Variants in SLC26A2 observed in about 807,000 individuals in gnomAD.
SLC26A2 encodes solute carrier family 26 member 2, also known as sulfate transporter.
Under a neutral mutation model 41.1 loss-of-function variants are expected in SLC26A2, and 36 were observed. The observed-to-expected ratio is 0.88, with a 90% CI of 0.67 to 1.16. The LOEUF (loss-of-function observed/expected upper bound fraction) is 1.16, where lower values mean the gene tolerates loss of function less well. Among genes scored for constraint, SLC26A2 ranks in the 50% most tolerant of loss-of-function variants. SLC26A2 has a pLI of 0.00. For missense variants in SLC26A2, 796 were observed against 869.6 expected (o/e 0.92, Z 1.07); for synonymous variants, 291 against 311.6 (o/e 0.93, Z 0.70).
rs1554095431 is a variant in SLC26A2, at chr5:149,981,711, CCTT to C, written c.2121_2123del (p.Leu708del). On this transcript the variant is annotated inframe_deletion, in exon 3 of 3. Transcript: ENST00000286298. ...AATATTGCAAAAAGGAAGAAGAAAA[CCTT>C]CTCTTCTATAGTGTGTATGAAGCGA... 3.7e-6 allele frequency: 6 copies of C among 1,610,968 alleles called. No homozygotes were observed. Among genetic ancestry groups the C allele is most frequent in the African/African-American group, 1.3e-5 (1 of 74,700 alleles).
chr5:149,977,663 A>G lies in SLC26A2; in HGVS notation c.11A>G (p.Glu4Gly). 6.2e-7 allele frequency: 1 copy of G among 1,613,028 alleles called. No individual in the cohort carries two copies. Among genetic ancestry groups the G allele is most frequent in the African/African-American group, 1.3e-5 (1 of 75,036 alleles). Residue 4 changes from glutamate (E) to glycine (G), a missense_variant, in exon 2 of 3, where the codon GAA (glutamate) becomes GGA (glycine). Coordinates refer to ENST00000286298, the MANE Select transcript of SLC26A2 (RefSeq NM_000112.4). Reference sequence around the variant, plus strand: ...CATCTATCTCCAGAAATGTCTTCAGAAAGTAAAGAGCAACATAACGTTTCA... The same window carrying G: ...CATCTATCTCCAGAAATGTCTTCAGGAAGTAAAGAGCAACATAACGTTTCA... MSS[E>G]SKEQHNVSPR... is the part of the protein sequence containing the mutation.
chr5:149,973,015 T>A (rs915665807), intron 1 of SLC26A2, among the ~76,000 whole-genome samples: 7 of 152,080 alleles, frequency 4.6e-5, no homozygotes, highest in Admixed American at 3.9e-4. Flanking sequence ...CCATTTCACA[T>A]CTAGTATAAG....
chr5:149,973,487 C>T (rs1209755101), intron 1 of SLC26A2, among the ~76,000 whole-genome samples: 1 of 151,792 alleles, frequency 6.6e-6, no homozygotes, highest in African/African-American at 2.4e-5. Flanking sequence ...CTCTCTTTCC[C>T]CATCTCTTCT....
chr5:149,979,801 C>T (rs1755060188), intron 2 of SLC26A2, among the ~76,000 whole-genome samples: 1 of 152,208 alleles, frequency 6.6e-6, no homozygotes, highest in Non-Finnish European at 1.5e-5. Flanking sequence ...ATTAAAACTT[C>T]ACTTGTACAC....
chr5:149,979,830 C>T (rs546733882), intron 2 of SLC26A2, among the ~76,000 whole-genome samples: 4 of 152,294 alleles, frequency 2.6e-5, no homozygotes, highest in African/African-American at 9.6e-5. Flanking sequence ...AGCCAAGAGG[C>T]TGAGAAGCCG....
intron 1 of SLC26A2, among the ~76,000 whole-genome samples, chr5:149,968,768 G>A (rs986370498): frequency 1.3e-5 from 2 of 149,768 alleles, no homozygotes; most frequent in Non-Finnish European, 1.5e-5. Context: ...GCCGCAGCTG[G>A]GGTGCAGTGG....
In SLC26A2 at chr5:149,977,819, T is replaced by C. The variant is rs1433995701; in HGVS notation, c.167T>C (p.Ile56Thr). 4 of 1,614,088 alleles carry C rather than the reference T, an allele frequency of 2.5e-6. No homozygotes were observed. Among genetic ancestry groups the C allele is most frequent in the East Asian group, 4.5e-5 (2 of 44,894 alleles). ...TGCAGACCTTATCATAGGATCCTTA[T>C]TGAGCGTCAAGAGAAATCAGATACA... ...DQCRPYHRILIERQEKSDTNF... is the reference protein window; with the variant it reads ...DQCRPYHRILTERQEKSDTNF... The change falls in exon 2 of 3, where the codon ATT (isoleucine) becomes ACT (threonine). Residue 56 changes from isoleucine (I) to threonine (T), a missense_variant. Coordinates refer to ENST00000286298, the MANE Select transcript of SLC26A2 (RefSeq NM_000112.4).
rs955521816 is a variant in SLC26A2 at position 149,983,045 on chromosome 5, A to G, written c.*1232A>G. 6.6e-6 allele frequency: 1 copy of G among 152,138 alleles called. No individual in the cohort carries two copies. The highest frequency in any genetic ancestry group is 1.5e-5 in the Non-Finnish European group (1 of 68,030). The allele number at this position is 152,138 out of a possible 1,614,324, so 9.4% of individuals were successfully genotyped here. A position where few individuals can be genotyped will look rare whatever the true frequency, so the allele number is the denominator to read the frequency against. On this transcript the variant is annotated 3_prime_UTR_variant, in exon 3 of 3. Transcript: ENST00000286298. The stretch of plus-strand genomic sequence containing the variant: ...TTAAAAAAAAAAAAAGTAAACTGCA[A>G]AAGTACAAAATCATTTTTCAATCTG...
At chr5:149,974,871 G>A (rs779437579) in intron 1 of SLC26A2, among the ~76,000 whole-genome samples, 2 of 151,802 alleles carry the variant, frequency 1.3e-5, no homozygotes, top group African/African-American at 4.8e-5. Context: ...GATTACAGGC[G>A]TGTGCCACCA....
intron 1 of SLC26A2, chr5:149,962,151 T>C (rs947142902): frequency 1.3e-5 from 2 of 152,144 alleles, no homozygotes; most frequent in African/African-American, 4.8e-5. Flanking sequence ...CAGCATCATC[T>C]AGCGTGTGGA....
intron 2 of SLC26A2, 47 bp downstream of exon 2, chr5:149,978,398 T>A: frequency 7.4e-7 from 1 of 1,353,582 alleles, no homozygotes. Context: ...AGTAATCTAG[T>A]ACATGAAATC....
Position 149,981,113 on chromosome 5 carries a change from TTAG to T in SLC26A2, c.1524_1526del (p.Ser508del). ...AGGGATCTTCCCAAAATGTGGAGTA[TTAG>T]TAGAATGGATACAGTTATCTGGTTT... On this transcript the variant is annotated inframe_deletion, in exon 3 of 3. Transcript: ENST00000286298. 6.2e-7 allele frequency: 1 copy of T among 1,614,174 alleles called. No homozygotes were observed. The highest frequency in any genetic ancestry group is 1.1e-5 in the South Asian group (1 of 91,078).
intron 1 of SLC26A2, among the ~76,000 whole-genome samples, chr5:149,977,316 A>T (rs559826355): frequency 1.1e-4 from 16 of 152,138 alleles, no homozygotes; most frequent in African/African-American, 3.6e-4. Context: ...CTGCCCTTAC[A>T]TCTTTTCAGG....
chr5:149,974,084 G>A (rs1316296770), intron 1 of SLC26A2, among the ~76,000 whole-genome samples: 1 of 152,186 alleles, frequency 6.6e-6, no homozygotes, highest in Admixed American at 6.5e-5. Context: ...AGGAGTTCGA[G>A]GCCATGGTGA....
At chr5:149,968,409 A>G (rs529404541) in intron 1 of SLC26A2, among the ~76,000 whole-genome samples, 2 of 151,226 alleles carry the variant, frequency 1.3e-5, no homozygotes, top group South Asian at 2.1e-4. Flanking sequence ...TTTTTTTTTA[A>G]TTTTATTTAT....
chr5:149,964,198 G>A (rs1358506417), intron 1 of SLC26A2, among the ~76,000 whole-genome samples: 1 of 152,134 alleles, frequency 6.6e-6, no homozygotes, highest in African/African-American at 2.4e-5. Flanking sequence ...CTTTAAAAAT[G>A]TAGGTTCAGG....
At position 149,981,015 on chromosome 5, in the gene SLC26A2, G is replaced by C. The variant is rs766277298; in HGVS notation, c.1422G>C (p.Leu474Phe). The C allele has an allele frequency of 6.2e-7, 1 of 1,614,142 alleles. No homozygotes were observed. The highest frequency in any genetic ancestry group is 1.1e-5 in the South Asian group (1 of 91,084). ...TGGTCCTCCTAGTAATAGCTCCTTT[G>C]TTCTATTCCCTTCAAAAAAGTGTCC... ...LLLVLLVIAP[L>F]FYSLQKSVLG... The change falls in exon 3 of 3, where the codon TTG becomes TTC. Residue 474 changes from leucine (L) to phenylalanine (F), a missense_variant. Transcript: ENST00000286298.
rs1755171401 is a variant in SLC26A2, at chr5:149,984,939, C to T, written c.*3126C>T. 1 of 152,098 alleles carries T rather than the reference C, an allele frequency of 6.6e-6. No individual in the cohort carries two copies. Among genetic ancestry groups the T allele is most frequent in the Admixed American group, 6.6e-5 (1 of 15,258 alleles). 9.4% of individuals were successfully genotyped at this position (152,098 alleles called of 1,614,324 possible). On this transcript the variant is annotated 3_prime_UTR_variant, in exon 3 of 3. Coordinates refer to ENST00000286298, the MANE Select transcript of SLC26A2 (RefSeq NM_000112.4). ...GCCAAAGGGTTGGAGTGTGCCAGTG[C>T]ACAGGTAGACTAAGGAAAACATTAT...
At chr5:149,962,308 G>GA (rs1360603157) in intron 1 of SLC26A2, 9 of 151,304 alleles carry the variant, frequency 5.9e-5, no homozygotes, top group Admixed American at 4.0e-4. Context: ...ATTTTTGAGG[G>GA]AAAAAAATCA....
Sources: allele counts gnomAD v4.1 joint callset (sites outside exome capture counted in the v4.1 genomes callset), GRCh38; gene constraint gnomAD v4.1.1; transcripts MANE v1.5; gene names NCBI Gene and HGNC (gene_info 2026-07-23, HGNC 2026-07-21).